The following SLC26A7 variants were observed in gnomAD, a reference collection of about 807,000 sequenced individuals.
SLC26A7 encodes the protein solute carrier family 26 member 7.
Under a neutral mutation model 82.5 loss-of-function variants are expected in SLC26A7, and 59 were observed. The ratio of observed to expected loss-of-function variants is 0.72; its 90% CI spans 0.58 to 0.89. The LOEUF (loss-of-function observed/expected upper bound fraction) is 0.89, where lower values mean the gene tolerates loss of function less well. Ranked by LOEUF, SLC26A7 falls within the 40% of genes least tolerant of loss-of-function variation. The pLI is 0.00. For missense variants in SLC26A7, 820 were observed against 793.0 expected, an observed-to-expected ratio of 1.03 and a Z score of -0.41; for synonymous variants, 271 against 274.3, an observed-to-expected ratio of 0.99 and a Z score of 0.12.
In SLC26A7 at chr8:91,351,839, C is replaced by T; in HGVS notation, c.1170C>T (p.Val390=). The change falls in exon 10 of 19, where the codon GTC becomes GTT. Residue 390 remains valine (V), a synonymous_variant. Coordinates refer to ENST00000276609, the MANE Select transcript of SLC26A7 (RefSeq NM_052832.4). ...QVACLISCIF[V]LIVIYAIGPL... Reference sequence around the variant, plus strand: ...CTTGTCTAATATCTTGCATTTTCGTCCTTATAGTCATCTATGCAATAGGAC... The same window carrying T: ...CTTGTCTAATATCTTGCATTTTCGTTCTTATAGTCATCTATGCAATAGGAC... 6.2e-7 allele frequency: 1 copy of T among 1,612,426 alleles called. No individual in the cohort carries two copies.
chr8:91,351,758 T>C (rs537120670), intron 9 of SLC26A7, 52 bp from the exon 10 acceptor site: 17 of 1,271,038 alleles, frequency 1.3e-5, no homozygotes, highest in Non-Finnish European at 1.8e-5. Flanking sequence ...TTTGACATAA[T>C]AAAAAAGTTC....
Position 91,355,713 on chromosome 8 carries a change from T to C in SLC26A7, c.1314+2717T>C, listed in dbSNP as rs1019238092. Reference sequence around the variant, plus strand: ...CTATTACATATCCAAATCTATCTTTTGCCTCTTTTTTTTAAATTTTATTAT... The same window carrying C: ...CTATTACATATCCAAATCTATCTTTCGCCTCTTTTTTTTAAATTTTATTAT... On this transcript the variant is annotated intron_variant, in intron 11 of 18. Coordinates refer to ENST00000276609, the MANE Select transcript of SLC26A7 (RefSeq NM_052832.4). 2.0e-5 allele frequency among the ~76,000 whole-genome samples: 3 copies of C among 151,998 alleles called. No individual in the cohort carries two copies. The East Asian group carries it at 5.8e-4, about 29-fold the overall frequency.
intron 14 of SLC26A7, 32 bp from the exon 15 acceptor site, chr8:91,369,753 A>AT: frequency 6.7e-7 from 1 of 1,492,178 alleles, no homozygotes; most frequent in Non-Finnish European, 9.1e-7. Flanking sequence ...ATTTTATAAC[A>AT]TTTTTCTTCT....
intron 2 of SLC26A7, among the ~76,000 whole-genome samples, chr8:91,220,151 T>C (rs892595146): frequency 1.3e-5 from 2 of 152,056 alleles, no homozygotes; most frequent in Non-Finnish European, 2.9e-5. Flanking sequence ...CAGGCCCCAC[T>C]GAGACAGAGA....
chr8:91,216,012 T>C (rs570846268), intron 1 of SLC26A7, among the ~76,000 whole-genome samples: 5 of 152,294 alleles, frequency 3.3e-5, no homozygotes, highest in South Asian at 4.1e-4. Context: ...GATGGAAAAG[T>C]GTAATACCAA....
chr8:91,315,673 C>T (rs993799068), intron 4 of SLC26A7, among the ~76,000 whole-genome samples: 2 of 152,188 alleles, frequency 1.3e-5, no homozygotes, highest in Non-Finnish European at 1.5e-5. Context: ...TAAAAGGTGG[C>T]TGCTAAACTG....
At chr8:91,216,218 A>T (rs1810044195) in intron 1 of SLC26A7, among the ~76,000 whole-genome samples, 1 of 152,156 alleles carries the variant, frequency 6.6e-6, no homozygotes, top group Admixed American at 6.6e-5. Context: ...TATTATAATT[A>T]ACTAAACAAT....
At chr8:91,338,276 TA>T in intron 7 of SLC26A7, 44 bp downstream of exon 7, 1 of 1,448,618 alleles carries the variant, frequency 6.9e-7, no homozygotes, top group Non-Finnish European at 9.5e-7. Context: ...TTTGTTTGTT[TA>T]TTTTTGATGG....
At position 91,360,880 on chromosome 8, in the gene SLC26A7, A is replaced by C. The variant is rs539314731; in HGVS notation, c.1315-1473A>C. Among the ~76,000 whole-genome samples the C allele has an allele frequency of 5.3e-5, 8 of 152,276 alleles. No individual in the cohort carries two copies. The South Asian group carries it at 1.5e-3, about 28-fold the overall frequency. On this transcript the variant is annotated intron_variant, in intron 11 of 18. Transcript: ENST00000276609. ...GCTAAAATAATAGTCAAAAACTTGCAGCCTTGTTTTGTATATGATTAAGTA... is the reference window on the plus strand; with the variant it reads ...GCTAAAATAATAGTCAAAAACTTGCCGCCTTGTTTTGTATATGATTAAGTA...
intron 2 of SLC26A7, among the ~76,000 whole-genome samples, chr8:91,228,838 A>G (rs1301128332): frequency 2.6e-5 from 4 of 152,198 alleles, no homozygotes; most frequent in Non-Finnish European, 5.9e-5. Context: ...AAAATGTTTT[A>G]AAACCGACCA....
intron 4 of SLC26A7, among the ~76,000 whole-genome samples, chr8:91,309,074 T>C (rs903291471): frequency 2.0e-5 from 3 of 152,110 alleles, no homozygotes; most frequent in African/African-American, 7.2e-5. Context: ...TAAGCCTTTT[T>C]ATCTGACAGA....
chr8:91,295,754 G>A (rs1397635794), intron 4 of SLC26A7, 51 bp downstream of exon 4: 3 of 1,530,888 alleles, frequency 2.0e-6, no homozygotes, highest in Non-Finnish European at 2.7e-6. Context: ...GCGGCACAGG[G>A]AAGGCAGCTG....
At chr8:91,247,479 G>A (rs1306462978), upstream of SLC26A7, among the ~76,000 whole-genome samples, 1 of 151,886 alleles carries the variant, frequency 6.6e-6, no homozygotes, top group Non-Finnish European at 1.5e-5. Context: ...GCTCTGGTTT[G>A]ACATGTTTTA....
chr8:91,262,090 A>C (rs1236470853), intron 2 of SLC26A7, among the ~76,000 whole-genome samples: 3 of 152,044 alleles, frequency 2.0e-5, no homozygotes, highest in Non-Finnish European at 4.4e-5. Context: ...TAGACAGAAG[A>C]GGTCTGAGAA....
chr8:91,394,382 A>C, intron 18 of SLC26A7: 1 of 1,513,772 alleles, frequency 6.6e-7, no homozygotes, highest in South Asian at 1.3e-5. Context: ...AAATATAAAA[A>C]CTCTAAATAT....
chr8:91,279,379 T>G (rs1490792582), intron 2 of SLC26A7, among the ~76,000 whole-genome samples: 3 of 151,930 alleles, frequency 2.0e-5, no homozygotes, highest in African/African-American at 7.3e-5. Context: ...CCATACTGTT[T>G]TCCATAATGA....
chr8:91,320,772 A>G (rs1172502143), intron 5 of SLC26A7, among the ~76,000 whole-genome samples: 1 of 152,214 alleles, frequency 6.6e-6, no homozygotes, highest in Non-Finnish European at 1.5e-5. Context: ...GAATTGACAC[A>G]TTTGTAAGAC....
chr8:91,251,740 C>T (rs1810663528), intron 2 of SLC26A7, among the ~76,000 whole-genome samples: 1 of 151,944 alleles, frequency 6.6e-6, no homozygotes, highest in Non-Finnish European at 1.5e-5. Context: ...GGACGTCATA[C>T]CTGATAAGTA....
chr8:91,315,133 C>T (rs961356166), intron 4 of SLC26A7, among the ~76,000 whole-genome samples: 1 of 152,132 alleles, frequency 6.6e-6, no homozygotes, highest in Non-Finnish European at 1.5e-5. Flanking sequence ...ATGGTCTATA[C>T]AAGGCCTCAA....
Sources: gnomAD v4.1 joint callset for allele counts (sites outside exome capture counted in the v4.1 genomes callset) on GRCh38, gnomAD v4.1.1 for gene constraint, MANE v1.5 for transcripts, NCBI Gene and HGNC (gene_info 2026-07-23, HGNC 2026-07-21) for gene names.